NTM: variants seen among roughly 807,000 people sequenced by gnomAD.
NTM encodes the protein neurotrimin, also known as IgLON family member 2.
In NTM, 13 loss-of-function variants were observed where a neutral mutation model predicts 42.1. The ratio of observed to expected loss-of-function variants is 0.31; its 90% CI spans 0.20 to 0.49. The LOEUF is 0.49. Among genes scored for constraint, NTM ranks in the 20% least tolerant of loss-of-function variants. The probability of loss-of-function intolerance (pLI) is 0.99; values close to 1 mark genes in which losing one functional copy is unlikely to be tolerated. For synonymous variants in NTM, 187 were observed against 179.2 expected (o/e 1.04, Z -0.35); for missense variants, 373 against 452.8 (o/e 0.82, Z 1.60).
In NTM at chr11:131,399,875, T is replaced by G. The variant is rs562142255; in HGVS notation, c.82+28987T>G. ...TCCAGACAGCAACCTCTTTTGCCCATGTGCTTGGTGCTCTGTCATGGCGGG... is the reference window on the plus strand; with the variant it reads ...TCCAGACAGCAACCTCTTTTGCCCAGGTGCTTGGTGCTCTGTCATGGCGGG... On this transcript the variant is annotated intron_variant, in intron 1 of 8. Coordinates refer to ENST00000683400, the MANE Select transcript of NTM (RefSeq NM_001352005.2). Among the ~76,000 whole-genome samples the G allele has an allele frequency of 2.0e-5, 3 of 152,292 alleles. No homozygotes were observed. The East Asian group carries it at 5.8e-4, about 29-fold the overall frequency.
intron 1 of NTM, among the ~76,000 whole-genome samples, chr11:131,780,783 G>A (rs887554697): frequency 6.6e-6 from 1 of 152,210 alleles, no homozygotes; most frequent in Non-Finnish European, 1.5e-5. Flanking sequence ...TAATGTGAGA[G>A]GGTCCTTATG....
At chr11:131,505,514 C>T (rs1019311221) in intron 1 of NTM, among the ~76,000 whole-genome samples, 3 of 152,246 alleles carry the variant, frequency 2.0e-5, no homozygotes, top group East Asian at 1.9e-4. Context: ...TGACATCCTG[C>T]GATTATTTAC....
intron 1 of NTM, among the ~76,000 whole-genome samples, chr11:131,596,773 T>C (rs974051733): frequency 6.6e-6 from 1 of 152,242 alleles, no homozygotes; most frequent in Admixed American, 6.5e-5. Flanking sequence ...ATACTCAGTG[T>C]ATTAGTCAGG....
At chr11:131,688,510 T>A (rs1048408473) in intron 1 of NTM, among the ~76,000 whole-genome samples, 2 of 152,048 alleles carry the variant, frequency 1.3e-5, no homozygotes, top group South Asian at 2.1e-4. Flanking sequence ...GCGTTAAGAG[T>A]CGCGGCTCCT....
chr11:131,990,951 T>C (rs1316614822), intron 2 of NTM, among the ~76,000 whole-genome samples: 1 of 152,174 alleles, frequency 6.6e-6, no homozygotes, highest in African/African-American at 2.4e-5. Flanking sequence ...TTACTTTCTG[T>C]ATGTGTGATA....
chr11:131,681,783 GTGTC>G (rs1407684481), intron 1 of NTM, among the ~76,000 whole-genome samples: 1 of 130,460 alleles, frequency 7.7e-6, no homozygotes, highest in Non-Finnish European at 1.7e-5. Context: ...GTGTGTTTCT[GTGTC>G]TGTGTGTATG....
chr11:131,507,418 C>G (rs2047624768), intron 1 of NTM, among the ~76,000 whole-genome samples: 2 of 151,458 alleles, frequency 1.3e-5, no homozygotes, highest in South Asian at 4.2e-4. Context: ...TGATCTATAT[C>G]TCTGTTTTGG....
intron 1 of NTM, among the ~76,000 whole-genome samples, chr11:131,431,590 C>T (rs113543518): frequency 1.3e-5 from 2 of 152,194 alleles, no homozygotes; most frequent in African/African-American, 2.4e-5. Context: ...CAGAGACTCT[C>T]GTGCTCATGA....
chr11:131,888,406 A>G (rs1386764220), intron 1 of NTM, among the ~76,000 whole-genome samples: 1 of 152,184 alleles, frequency 6.6e-6, no homozygotes, highest in Non-Finnish European at 1.5e-5. Context: ...CCTCCAGCTC[A>G]TGACTCATTT....
At chr11:131,508,355 G>A (rs200870118) in intron 1 of NTM, among the ~76,000 whole-genome samples, 375 of 143,468 alleles carry the variant, frequency 2.6e-3, no homozygotes, top group Middle Eastern at 3.7e-3. Context: ...ACACCAGTTA[G>A]AATGGCAATC....
At chr11:131,455,557 C>T (rs1210691982) in intron 1 of NTM, 1 of 152,264 alleles carries the variant, frequency 6.6e-6, no homozygotes, top group Non-Finnish European at 1.5e-5. Context: ...GAGGGAGGGT[C>T]TCGAAAAGCT....
chr11:132,314,445 T>C (rs895924), intron 6 of NTM, 107 bp from the exon 7 acceptor site: 637,418 of 1,241,748 alleles, frequency 0.51, 170,219 homozygotes, highest in East Asian at 0.54. Flanking sequence ...TATAATGATG[T>C]CAGAAAGGGG....
chr11:131,589,036 T>C (rs770664891), intron 1 of NTM, among the ~76,000 whole-genome samples: 14 of 152,154 alleles, frequency 9.2e-5, no homozygotes, highest in Admixed American at 2.6e-4. Context: ...AGGGGAGAGG[T>C]TGGTCTTCGT....
At chr11:131,420,834 TGA>T (rs1947430453) in intron 1 of NTM, among the ~76,000 whole-genome samples, 1 of 152,148 alleles carries the variant, frequency 6.6e-6, no homozygotes, top group Non-Finnish European at 1.5e-5. Context: ...GGAACAATGG[TGA>T]GAGTGTCATG....
At chr11:131,751,595 A>T (rs1384738541) in intron 1 of NTM, among the ~76,000 whole-genome samples, 1 of 151,752 alleles carries the variant, frequency 6.6e-6, no homozygotes, top group Admixed American at 6.6e-5. Context: ...GTCTCAAAAA[A>T]AAAAAAAAAA....
At chr11:131,809,873 G>A (rs960862463) in intron 1 of NTM, among the ~76,000 whole-genome samples, 7 of 152,272 alleles carry the variant, frequency 4.6e-5, no homozygotes, top group African/African-American at 1.7e-4. Context: ...AATCACCTAC[G>A]AGATTTGTTT....
chr11:132,029,986 T>C (rs2075709998), intron 2 of NTM, among the ~76,000 whole-genome samples: 1 of 152,226 alleles, frequency 6.6e-6, no homozygotes, highest in Non-Finnish European at 1.5e-5. Context: ...ACTTAAAACA[T>C]TGCAATCCTT....
chr11:131,761,119 C>G (rs1246245811), intron 1 of NTM, among the ~76,000 whole-genome samples: 1 of 152,070 alleles, frequency 6.6e-6, no homozygotes, highest in Admixed American at 6.5e-5. Flanking sequence ...AAACTGGTGC[C>G]AGACTAAATC....
chr11:132,177,190 G>C (rs2076954977), intron 3 of NTM, among the ~76,000 whole-genome samples: 1 of 152,204 alleles, frequency 6.6e-6, no homozygotes, highest in African/African-American at 2.4e-5. Context: ...CTGCCAAAAA[G>C]TAATTGATTT....
Sources: gnomAD v4.1 joint callset for allele counts (sites outside exome capture counted in the v4.1 genomes callset) on GRCh38, gnomAD v4.1.1 for gene constraint, MANE v1.5 for transcripts, NCBI Gene and HGNC (gene_info 2026-07-23, HGNC 2026-07-21) for gene names.